PEAK1: variants seen among roughly 807,000 people sequenced by gnomAD.
The protein encoded by PEAK1 is pseudopodium enriched atypical kinase 1, also known as inactive tyrosine-protein kinase PEAK1.
PEAK1 carries 54 observed loss-of-function variants against 124.7 expected under a neutral mutation model. That is an observed-to-expected ratio of 0.43 (90% CI 0.35 to 0.54). The LOEUF (loss-of-function observed/expected upper bound fraction) is 0.54, where lower values mean the gene tolerates loss of function less well. Ranked by LOEUF, PEAK1 falls within the 20% of genes least tolerant of loss-of-function variation. PEAK1 has a pLI of 0.01. For missense variants in PEAK1, 2,046 were observed against 2,134.5 expected, an observed-to-expected ratio of 0.96 and a Z score of 0.82; for synonymous variants, 719 against 760.0, an observed-to-expected ratio of 0.95 and a Z score of 0.89.
chr15:77,387,072 TTC>T (rs2070014058), intron 1 of PEAK1, among the ~76,000 whole-genome samples: 2 of 152,242 alleles, frequency 1.3e-5, no homozygotes, highest in Admixed American at 6.5e-5. Context: ...TCTGAACTAT[TTC>T]TGTGTTCTCA....
chr15:77,308,613 C>A (rs1319533724), intron 2 of PEAK1, among the ~76,000 whole-genome samples: 3 of 152,018 alleles, frequency 2.0e-5, no homozygotes, highest in East Asian at 1.9e-4. Context: ...TATTTCATTA[C>A]TTTTCTGAAG....
chr15:77,398,679 T>G (rs2071101946), intron 1 of PEAK1, among the ~76,000 whole-genome samples: 1 of 152,114 alleles, frequency 6.6e-6, no homozygotes, highest in African/African-American at 2.4e-5. Flanking sequence ...GGAGAACAAC[T>G]GAAAACCTCT....
At chr15:77,222,190 TA>T (rs1013639261) in intron 6 of PEAK1, among the ~76,000 whole-genome samples, 1 of 151,956 alleles carries the variant, frequency 6.6e-6, no homozygotes, top group Non-Finnish European at 1.5e-5. Context: ...AGTAGAAACA[TA>T]AAAAAATGAA....
intron 7 of PEAK1, among the ~76,000 whole-genome samples, chr15:77,175,418 C>T (rs2056793340): frequency 6.6e-6 from 1 of 151,302 alleles, no homozygotes; most frequent in East Asian, 1.9e-4. Flanking sequence ...AAAAAACAAA[C>T]AACCCCATCA....
intron 6 of PEAK1, among the ~76,000 whole-genome samples, chr15:77,189,808 T>C (rs1436028582): frequency 6.6e-6 from 1 of 152,150 alleles, no homozygotes; most frequent in African/African-American, 2.4e-5. Flanking sequence ...CTCTTCTCCA[T>C]TGCCCTCAAC....
chr15:77,246,550 T>C (rs2060597786), intron 6 of PEAK1, among the ~76,000 whole-genome samples: 1 of 152,086 alleles, frequency 6.6e-6, no homozygotes, highest in African/African-American at 2.4e-5. Flanking sequence ...ACTCTTCCAA[T>C]AGTTGAGCAC....
intron 2 of PEAK1, among the ~76,000 whole-genome samples, chr15:77,299,693 C>T (rs2063690337): frequency 6.6e-6 from 1 of 152,148 alleles, no homozygotes; most frequent in African/African-American, 2.4e-5. Flanking sequence ...CTCTTTTCTT[C>T]CAAATTAGAT....
At chr15:77,339,280 T>C (rs1331871007) in intron 2 of PEAK1, among the ~76,000 whole-genome samples, 1 of 151,948 alleles carries the variant, frequency 6.6e-6, no homozygotes, top group Non-Finnish European at 1.5e-5. Flanking sequence ...CCAGCTAGTT[T>C]TTTTGTAGAT....
At chr15:77,146,268 C>T (rs1320697077) in intron 8 of PEAK1, among the ~76,000 whole-genome samples, 1 of 152,188 alleles carries the variant, frequency 6.6e-6, no homozygotes, top group Non-Finnish European at 1.5e-5. Context: ...TATTACTGTG[C>T]TGAGGCCTAC....
At chr15:77,320,435 G>A (rs575317038) in intron 2 of PEAK1, among the ~76,000 whole-genome samples, 16 of 152,234 alleles carry the variant, frequency 1.1e-4, no homozygotes, top group African/African-American at 3.9e-4. Flanking sequence ...ATTGAGTAAT[G>A]ACTACCAAAC....
chr15:77,404,463 A>G (rs1386281534), intron 1 of PEAK1: 1 of 483,356 alleles, frequency 2.1e-6, no homozygotes, highest in Non-Finnish European at 2.7e-6. Context: ...TATCTCAATA[A>G]TTGATTATAT....
At chr15:77,408,541 T>TA (rs1020397931) in intron 1 of PEAK1, among the ~76,000 whole-genome samples, 88 of 146,942 alleles carry the variant, frequency 6.0e-4, no homozygotes, top group African/African-American at 1.3e-3. Context: ...AATAAAAATT[T>TA]AAAAAAAAAA....
intron 1 of PEAK1, among the ~76,000 whole-genome samples, chr15:77,407,508 T>G (rs1012991131): frequency 6.6e-6 from 1 of 152,028 alleles, no homozygotes; most frequent in Non-Finnish European, 1.5e-5. Context: ...AACAAACATA[T>G]GAAAAAATGC....
chr15:77,204,833 G>A (rs1196552402), intron 6 of PEAK1: 1 of 161,494 alleles, frequency 6.2e-6, no homozygotes. Context: ...GAACCCAGGA[G>A]GCAGAGGTTG....
At chr15:77,257,997 T>C (rs2061250615) in intron 5 of PEAK1, among the ~76,000 whole-genome samples, 1 of 152,214 alleles carries the variant, frequency 6.6e-6, no homozygotes, top group Non-Finnish European at 1.5e-5. Flanking sequence ...CCTTTCCCCA[T>C]TGCTTGTTTT....
At chr15:77,226,773 A>G (rs2059695722) in intron 6 of PEAK1, among the ~76,000 whole-genome samples, 1 of 152,166 alleles carries the variant, frequency 6.6e-6, no homozygotes, top group Non-Finnish European at 1.5e-5. Flanking sequence ...ACCACTTAAC[A>G]TATGCCAGGC....
At chr15:77,223,886 A>ATTTTTTTTTTTTTTT (rs10719377) in intron 6 of PEAK1, among the ~76,000 whole-genome samples, 26 of 121,564 alleles carry the variant, frequency 2.1e-4, no homozygotes, top group Non-Finnish European at 2.8e-4. Flanking sequence ...CATTTGAGAG[A>ATTTTTTTTTTTTTTT]TTTTTTTTTT....
chr15:77,132,916 A>G lies in PEAK1; in HGVS notation c.4077+89T>C, dbSNP rs1287848842. On this transcript the variant is annotated intron_variant, in intron 9 of 9. Transcript: ENST00000682557. ...CAATAATTTGCTGAATGGAAGAATG[A>G]AGGAAAGAAAGGAGAAAAGCAGAAT... 5.3e-6 allele frequency: 7 copies of G among 1,324,746 alleles called. No individual in the cohort carries two copies. The East Asian group carries it at 7.0e-5, about 13-fold the overall frequency. 82.1% of individuals were successfully genotyped at this position (1,324,746 alleles called of 1,614,324 possible). A position where few individuals can be genotyped will look rare whatever the true frequency, so the allele number is the denominator to read the frequency against.
rs190836164 is a variant in PEAK1 at position 77,265,273 on chromosome 15, A to G, written c.-274-12747T>C. 7.3e-3 allele frequency among the ~76,000 whole-genome samples: 1,111 copies of G among 152,316 alleles called. 15 individuals carry two copies. The highest frequency in any genetic ancestry group is 0.025 in the African/African-American group (1,055 of 41,570). ...GACAAATGGGATCTAATTAAACTAA[A>G]GAGCTTCTGCACAGCAAAAGAAACT... is the stretch of plus-strand genomic sequence containing the variant. On this transcript the variant is annotated intron_variant, in intron 5 of 9. Transcript: ENST00000682557.
Sources: gnomAD v4.1 joint callset for allele counts (sites outside exome capture counted in the v4.1 genomes callset) on GRCh38, gnomAD v4.1.1 for gene constraint, MANE v1.5 for transcripts, NCBI Gene and HGNC (gene_info 2026-07-23, HGNC 2026-07-21) for gene names.